The following MGAT4C variants were observed in gnomAD, a reference collection of about 807,000 sequenced individuals.
MGAT4C encodes alpha-1,3-mannosyl-glycoprotein 4-beta-N-acetylglucosaminyltransferase C.
A neutral mutation model predicts 40.1 loss-of-function variants in MGAT4C; 19 were observed. The ratio of observed to expected loss-of-function variants is 0.47; its 90% CI spans 0.33 to 0.70. MGAT4C has a LOEUF of 0.70. Ranked by LOEUF, MGAT4C falls within the 30% of genes least tolerant of loss-of-function variation. MGAT4C has a pLI of 0.02. For missense variants in MGAT4C, 491 were observed against 563.2 expected, an observed-to-expected ratio of 0.87 and a Z score of 1.30; for synonymous variants, 181 against 187.1, an observed-to-expected ratio of 0.97 and a Z score of 0.27.
chr12:86,502,812 CTCATATATATGTATACACGAGTTCT>C (rs1958378736), intron 2 of MGAT4C, among the ~76,000 whole-genome samples: 1 of 114,870 alleles, frequency 8.7e-6, no homozygotes, highest in Non-Finnish European at 1.8e-5. Flanking sequence ...ACGAGTTCTG[CTCATATATATGTATACACGAGTTCT>C]GCTCATATAT....
At position 86,573,853 on chromosome 12, in the gene MGAT4C, A is replaced by G. The variant is rs144999132; in HGVS notation, c.-228-138588T>C. On this transcript the variant is annotated intron_variant, in intron 2 of 7. Transcript: ENST00000548651. Reference sequence around the variant, plus strand: ...CATTTTCAAATTCCAGAACTCATTGATTGCATATTCTTCTAAAGTTAATCA... The same window carrying G: ...CATTTTCAAATTCCAGAACTCATTGGTTGCATATTCTTCTAAAGTTAATCA... Among the ~76,000 whole-genome samples, 62 of 152,034 alleles carry G rather than the reference A, an allele frequency of 4.1e-4. 1 individual carries two copies. Among genetic ancestry groups the G allele is most frequent in the African/African-American group, 1.5e-3 (61 of 41,518 alleles).
chr12:86,580,765 C>G (rs1264841510), intron 2 of MGAT4C, among the ~76,000 whole-genome samples: 1 of 151,394 alleles, frequency 6.6e-6, no homozygotes, highest in Non-Finnish European at 1.5e-5. Context: ...CTTCCATTTT[C>G]TTCTCTATAT....
intron 1 of MGAT4C, among the ~76,000 whole-genome samples, chr12:86,730,614 A>G (rs1170391925): frequency 6.6e-6 from 1 of 152,076 alleles, no homozygotes; most frequent in Non-Finnish European, 1.5e-5. Flanking sequence ...TTTTTCTACC[A>G]TAAATTCATA....
chr12:86,500,711 G>A (rs575872157), intron 2 of MGAT4C, among the ~76,000 whole-genome samples: 1 of 151,992 alleles, frequency 6.6e-6, no homozygotes, highest in Non-Finnish European at 1.5e-5. Flanking sequence ...AGGATGTACT[G>A]TTTACTTTAT....
intron 2 of MGAT4C, among the ~76,000 whole-genome samples, chr12:85,993,458 G>T (rs1886224777): frequency 6.6e-6 from 1 of 152,150 alleles, no homozygotes; most frequent in Non-Finnish European, 1.5e-5. Context: ...CAAGGGATTG[G>T]GTCCAGCCTC....
At chr12:86,270,433 CA>C (rs1378074554) in intron 4 of MGAT4C, among the ~76,000 whole-genome samples, 1 of 152,156 alleles carries the variant, frequency 6.6e-6, no homozygotes, top group East Asian at 1.9e-4. Flanking sequence ...TTTCTCCTTC[CA>C]GCCCCTAGCA....
At chr12:86,436,875 A>G (rs1957147300) in intron 2 of MGAT4C, among the ~76,000 whole-genome samples, 1 of 151,798 alleles carries the variant, frequency 6.6e-6, no homozygotes, top group Non-Finnish European at 1.5e-5. Context: ...AGACAATTAT[A>G]TATGATGTTA....
intron 2 of MGAT4C, among the ~76,000 whole-genome samples, chr12:86,528,278 G>T (rs1340450576): frequency 3.9e-5 from 6 of 151,988 alleles, no homozygotes; most frequent in Non-Finnish European, 8.8e-5. Context: ...TCTCAAGCTT[G>T]CATGGCCACA....
chr12:86,486,642 A>C (rs1958025022), intron 2 of MGAT4C, among the ~76,000 whole-genome samples: 1 of 152,174 alleles, frequency 6.6e-6, no homozygotes, highest in Admixed American at 6.6e-5. Flanking sequence ...CACTTTAATA[A>C]TTCACTGATG....
intron 1 of MGAT4C, among the ~76,000 whole-genome samples, chr12:86,218,999 T>G (rs1459335902): frequency 6.6e-6 from 1 of 151,882 alleles, no homozygotes; most frequent in South Asian, 2.1e-4. Flanking sequence ...GTTAAGATGG[T>G]AAAACCCCGT....
At chr12:86,325,555 T>C (rs1179889884) in intron 4 of MGAT4C, among the ~76,000 whole-genome samples, 2 of 152,104 alleles carry the variant, frequency 1.3e-5, no homozygotes, top group Admixed American at 6.5e-5. Context: ...GTAAGGTGGG[T>C]AAAAGAGATG....
intron 1 of MGAT4C, among the ~76,000 whole-genome samples, chr12:86,834,348 C>T (rs147315613): frequency 2.1e-3 from 312 of 151,780 alleles, no homozygotes; most frequent in African/African-American, 7.2e-3. Context: ...GAAATATTTG[C>T]CTGGAGTTAG....
chr12:86,622,586 A>T (rs2136491097), intron 2 of MGAT4C, among the ~76,000 whole-genome samples: 1 of 152,274 alleles, frequency 6.6e-6, no homozygotes, highest in Non-Finnish European at 1.5e-5. Context: ...CCATGACTAA[A>T]AGCTGTACCA....
chr12:86,075,044 C>T (rs562172136), intron 1 of MGAT4C, among the ~76,000 whole-genome samples: 3 of 152,074 alleles, frequency 2.0e-5, no homozygotes, highest in Non-Finnish European at 2.9e-5. Context: ...AACAGTCCCC[C>T]AATCTTAACT....
intron 1 of MGAT4C, among the ~76,000 whole-genome samples, chr12:86,244,870 T>A (rs531978809): frequency 6.6e-6 from 1 of 152,252 alleles, no homozygotes; most frequent in East Asian, 1.9e-4. Context: ...GCATAGGGTT[T>A]ATGGGTGAGT....
In MGAT4C at chr12:86,832,666, C is replaced by T. The variant is rs1952954204; in HGVS notation, c.-262+6000G>A. On this transcript the variant is annotated intron_variant, in intron 1 of 7. Transcript: ENST00000548651. ...GCTTTTCTCATAGTAAATATAAAACCGTGCCATGGTTTGAGAGCCATTATA... is the reference window on the plus strand; with the variant it reads ...GCTTTTCTCATAGTAAATATAAAACTGTGCCATGGTTTGAGAGCCATTATA... 4.0e-5 allele frequency among the ~76,000 whole-genome samples: 6 copies of T among 151,690 alleles called. 1 individual carries two copies. The highest frequency in any genetic ancestry group is 2.6e-4 in the Admixed American group (4 of 15,170).
At chr12:86,405,096 C>T (rs1956438514) in intron 3 of MGAT4C, among the ~76,000 whole-genome samples, 1 of 151,898 alleles carries the variant, frequency 6.6e-6, no homozygotes, top group Non-Finnish European at 1.5e-5. Context: ...TGCTTTTTAT[C>T]AATAAAATTG....
chr12:86,368,551 T>G (rs1396944593), intron 3 of MGAT4C, among the ~76,000 whole-genome samples: 1 of 152,008 alleles, frequency 6.6e-6, no homozygotes, highest in Non-Finnish European at 1.5e-5. Flanking sequence ...ATCTTAGCAC[T>G]GCTTTTGCTA....
At chr12:86,087,650 C>A (rs1321099596) in intron 1 of MGAT4C, among the ~76,000 whole-genome samples, 1 of 151,490 alleles carries the variant, frequency 6.6e-6, no homozygotes, top group Non-Finnish European at 1.5e-5. Context: ...ACAGTATGCA[C>A]AAAAATAATA....
Sources: allele counts gnomAD v4.1 joint callset (sites outside exome capture counted in the v4.1 genomes callset), GRCh38; gene constraint gnomAD v4.1.1; transcripts MANE v1.5; gene names NCBI Gene and HGNC (gene_info 2026-07-23, HGNC 2026-07-21).